The following IL17RD variants were observed in gnomAD, a reference collection of about 807,000 sequenced individuals.
The protein encoded by IL17RD is interleukin-17 receptor D.
In IL17RD, 52 loss-of-function variants were observed where a neutral mutation model predicts 80.5. The ratio of observed to expected loss-of-function variants is 0.65; its 90% CI spans 0.52 to 0.81. The LOEUF (loss-of-function observed/expected upper bound fraction) is 0.81. IL17RD is among the 40% of genes least tolerant of loss of function. The probability of loss-of-function intolerance (pLI) is 0.00; values close to 1 mark genes in which losing one functional copy is unlikely to be tolerated. For synonymous variants in IL17RD, 416 were observed against 391.8 expected (o/e 1.06, Z -0.73); for missense variants, 1,024 against 955.1 (o/e 1.07, Z -0.95).
intron 1 of IL17RD, 27 bp from the exon 2 acceptor site, chr3:57,120,340 C>T: frequency 6.3e-7 from 1 of 1,578,610 alleles, no homozygotes; most frequent in Non-Finnish European, 8.7e-7. Context: ...GAACATGATG[C>T]AGAGTGAAGC....
chr3:57,142,483 A>G, intron 1 of IL17RD: 1 of 1,286,496 alleles, frequency 7.8e-7, no homozygotes, highest in Non-Finnish European at 1.0e-6. Flanking sequence ...ACGCAGGAAC[A>G]CCTGAGGCAG....
At chr3:57,125,191 G>A (rs1014439691) in intron 1 of IL17RD, among the ~76,000 whole-genome samples, 3 of 152,170 alleles carry the variant, frequency 2.0e-5, no homozygotes, top group South Asian at 2.1e-4. Context: ...CGGATCACCC[G>A]AGGTCAGGAG....
rs558447406 is a variant in IL17RD at position 57,107,304 on chromosome 3, C to T, written c.551-1150G>A. On this transcript the variant is annotated intron_variant, in intron 5 of 12. Coordinates refer to ENST00000296318, the MANE Select transcript of IL17RD (RefSeq NM_017563.5). ...TGAGTCAGGAGAATGGCGTGAACCCCGGAGGCGGAGCTTGCAGTGAGCCGA... is the reference window on the plus strand; with the variant it reads ...TGAGTCAGGAGAATGGCGTGAACCCTGGAGGCGGAGCTTGCAGTGAGCCGA... Among the ~76,000 whole-genome samples the T allele has an allele frequency of 6.6e-5, 10 of 151,674 alleles. No homozygotes were observed. In the South Asian group the frequency reaches 2.1e-3, roughly 32 times the overall value.
chr3:57,164,200 T>G (rs2060328380), intron 1 of IL17RD, among the ~76,000 whole-genome samples: 1 of 152,168 alleles, frequency 6.6e-6, no homozygotes, highest in Non-Finnish European at 1.5e-5. Flanking sequence ...CTACGTTTTC[T>G]CCACAAGCTT....
intron 1 of IL17RD, among the ~76,000 whole-genome samples, chr3:57,127,199 AAT>A (rs1284226374): frequency 1.7e-5 from 2 of 117,876 alleles, no homozygotes. Flanking sequence ...TATATATATA[AAT>A]ATATATAAAA....
rs372338652 is a variant in IL17RD, at chr3:57,118,288, G to C, written c.184+1968C>G. ...CCAATGTGAGCTCCCTGAGTTGCAC[G>C]TGTAAGTCCTCACTGGTTAGCCTAA... is the stretch of plus-strand genomic sequence containing the variant. On this transcript the variant is annotated intron_variant, in intron 2 of 12. Coordinates refer to ENST00000296318, the MANE Select transcript of IL17RD (RefSeq NM_017563.5). Among the ~76,000 whole-genome samples the C allele has an allele frequency of 2.0e-5, 3 of 152,308 alleles. No homozygotes were observed. The South Asian group carries it at 6.2e-4, about 32-fold the overall frequency.
chr3:57,114,670 C>T (rs1707171416), intron 3 of IL17RD, 22 bp downstream of exon 3: 2 of 1,586,918 alleles, frequency 1.3e-6, no homozygotes, highest in African/African-American at 2.7e-5. Flanking sequence ...TATCACCATG[C>T]ACTCGATTTT....
chr3:57,165,173 G>T lies in IL17RD; in HGVS notation c.114C>A (p.Thr38=), dbSNP rs1383574199. 2.9e-5 allele frequency: 44 copies of T among 1,526,878 alleles called. No individual in the cohort carries two copies. The highest frequency in any genetic ancestry group is 3.6e-5 in the Non-Finnish European group (41 of 1,138,496). 94.6% of individuals were successfully genotyped at this position (1,526,878 alleles called of 1,614,324 possible). ...GGSGRARGAD[T]CGWRGVGPAS... ...GCCCTCGCCTTACCCTCCAGCCACAGGTGTCGGCGCCCCGCGCGCGGCCGG... is the reference window on the plus strand; with the variant it reads ...GCCCTCGCCTTACCCTCCAGCCACATGTGTCGGCGCCCCGCGCGCGGCCGG... The change falls in exon 1 of 13, where the codon ACC becomes ACA. Residue 38 remains threonine, a synonymous_variant. Coordinates refer to ENST00000296318, the MANE Select transcript of IL17RD (RefSeq NM_017563.5).
chr3:57,140,601 T>G (rs1373473252), intron 1 of IL17RD, among the ~76,000 whole-genome samples: 1 of 152,228 alleles, frequency 6.6e-6, no homozygotes, highest in Non-Finnish European at 1.5e-5. Context: ...ATTTGACAGA[T>G]GTACATCCAT....
At chr3:57,122,998 G>A (rs1046667660) in intron 1 of IL17RD, among the ~76,000 whole-genome samples, 1 of 151,910 alleles carries the variant, frequency 6.6e-6, no homozygotes, top group African/African-American at 2.4e-5. Flanking sequence ...GTTATTTGCA[G>A]GTACTTATTG....
intron 1 of IL17RD, among the ~76,000 whole-genome samples, chr3:57,147,818 T>C (rs968415350): frequency 7.2e-5 from 11 of 152,184 alleles, no homozygotes; most frequent in Admixed American, 2.6e-4. Flanking sequence ...ACAGTGATTA[T>C]AGCAGCTATG....
At chr3:57,121,606 T>G (rs1707339628) in intron 1 of IL17RD, among the ~76,000 whole-genome samples, 1 of 152,188 alleles carries the variant, frequency 6.6e-6, no homozygotes, top group African/African-American at 2.4e-5. Context: ...CTTTCCTCCT[T>G]CTAGCCTCTC....
upstream of IL17RD, among the ~76,000 whole-genome samples, chr3:57,169,895 A>G (rs1657115075): frequency 6.6e-6 from 1 of 152,002 alleles, no homozygotes; most frequent in South Asian, 2.1e-4. Context: ...CTTGGCTCCA[A>G]TGGGGTAGGC....
chr3:57,096,460 CCAGAAGAGAGGAG>C lies in IL17RD; in HGVS notation c.2140_2152del (p.Leu714GlyfsTer54), dbSNP rs1293998973. The C allele has an allele frequency of 6.2e-7, 1 of 1,613,760 alleles. No individual in the cohort carries two copies. Among genetic ancestry groups the C allele is most frequent in the Non-Finnish European group, 8.5e-7 (1 of 1,179,832 alleles). On this transcript the variant is annotated frameshift_variant, in exon 13 of 13. Transcript: ENST00000296318. LOFTEE classifies it high-confidence loss of function. ...GCAACCAAGATCTGCTTTGCATGACCCAGAAGAGAGGAGCTTGGAAGGAAGGGCAGGAGGTTCC... is the reference window on the plus strand; with the variant it reads ...GCAACCAAGATCTGCTTTGCATGACCCTTGGAAGGAAGGGCAGGAGGTTCC...
intron 1 of IL17RD, among the ~76,000 whole-genome samples, chr3:57,123,627 G>A (rs1381387617): frequency 6.6e-6 from 1 of 152,222 alleles, no homozygotes; most frequent in Non-Finnish European, 1.5e-5. Context: ...GGATGTAGAT[G>A]CAAAATGGTA....
rs935295361 is a variant in IL17RD at position 57,096,228 on chromosome 3, C to T, written c.*165G>A. On this transcript the variant is annotated 3_prime_UTR_variant, in exon 13 of 13. Coordinates refer to ENST00000296318, the MANE Select transcript of IL17RD (RefSeq NM_017563.5). ...AAATTGGAGAGTTTGTCAAGATATC[C>T]GGTAAAGGGTTGGGGCAAGGGAGAA... The T allele has an allele frequency of 4.0e-5, 24 of 599,770 alleles. No homozygotes were observed. Among genetic ancestry groups the T allele is most frequent in the South Asian group, 2.9e-4 (14 of 47,608 alleles). 37.2% of individuals were successfully genotyped at this position (599,770 alleles called of 1,614,324 possible).
upstream of IL17RD, among the ~76,000 whole-genome samples, chr3:57,168,317 C>G (rs879301925): frequency 6.6e-6 from 1 of 152,230 alleles, no homozygotes; most frequent in Non-Finnish European, 1.5e-5. Flanking sequence ...TCTGTCTGCA[C>G]ACCCACCCAC....
intron 2 of IL17RD, among the ~76,000 whole-genome samples, chr3:57,118,722 G>A (rs1210964322): frequency 6.6e-6 from 1 of 152,160 alleles, no homozygotes; most frequent in Non-Finnish European, 1.5e-5. Flanking sequence ...TCCAACTCCA[G>A]TTGGACTGGC....
chr3:57,133,360 T>C lies in IL17RD; in HGVS notation c.127-13047A>G, dbSNP rs145858355. Among the ~76,000 whole-genome samples the C allele has an allele frequency of 2.6e-5, 4 of 152,262 alleles. No homozygotes were observed. In the East Asian group the frequency reaches 7.7e-4, roughly 29 times the overall value. On this transcript the variant is annotated intron_variant, in intron 1 of 12. Coordinates refer to ENST00000296318, the MANE Select transcript of IL17RD (RefSeq NM_017563.5). ...AAGCAATAAATCTAGAAGACTCTCTTTCCTAATTTCCCAAAGATACCACAT... is the reference window on the plus strand; with the variant it reads ...AAGCAATAAATCTAGAAGACTCTCTCTCCTAATTTCCCAAAGATACCACAT...
Sources: allele counts gnomAD v4.1 joint callset (sites outside exome capture counted in the v4.1 genomes callset), GRCh38; gene constraint gnomAD v4.1.1; transcripts MANE v1.5; gene names NCBI Gene and HGNC (gene_info 2026-07-23, HGNC 2026-07-21).